The following ESF1 variants were observed in gnomAD, a reference collection of about 807,000 sequenced individuals.
The protein encoded by ESF1 is ESF1 nucleolar pre-rRNA processing protein.
In ESF1, 58 loss-of-function variants were observed where a neutral mutation model predicts 92.0. The ratio of observed to expected loss-of-function variants is 0.63; its 90% CI spans 0.51 to 0.78. The LOEUF (loss-of-function observed/expected upper bound fraction) is 0.78, where lower values mean the gene tolerates loss of function less well. ESF1 is among the 30% of genes least tolerant of loss of function. ESF1 has a pLI of 0.00. For synonymous variants in ESF1, 321 were observed against 313.7 expected, an observed-to-expected ratio of 1.02 and a Z score of -0.24; for missense variants, 922 against 989.1, an observed-to-expected ratio of 0.93 and a Z score of 0.91.
intron 4 of ESF1, among the ~76,000 whole-genome samples, 144 bp downstream of exon 4, chr20:13,774,998 AACATTTATACCTGTT>A (rs1174315780): frequency 6.6e-6 from 1 of 151,976 alleles, no homozygotes; most frequent in East Asian, 1.9e-4. Context: ...CTTCCTTTCT[AACATTTATACCTGTT>A]ACATAAGTTT....
chr20:13,728,273 A>G, intron 11 of ESF1, 105 bp downstream of exon 11: 1 of 834,612 alleles, frequency 1.2e-6, no homozygotes, highest in Non-Finnish European at 1.9e-6. Context: ...AGGGAGCTAC[A>G]CAAATACTAG....
At chr20:13,725,291 C>T (rs1434902362) in intron 11 of ESF1, among the ~76,000 whole-genome samples, 1 of 152,154 alleles carries the variant, frequency 6.6e-6, no homozygotes, top group African/African-American at 2.4e-5. Flanking sequence ...CTTTTATTTC[C>T]CCCATTTTCT....
intron 11 of ESF1, 46 bp from the exon 12 acceptor site, chr20:13,719,030 T>A: frequency 7.3e-7 from 1 of 1,362,528 alleles, no homozygotes; most frequent in Non-Finnish European, 1.0e-6. Flanking sequence ...TACAGGACTA[T>A]CAGCAACATT....
At chr20:13,748,651 G>A (rs1174558536) in intron 9 of ESF1, among the ~76,000 whole-genome samples, 2 of 147,000 alleles carry the variant, frequency 1.4e-5, no homozygotes, top group East Asian at 3.9e-4. Flanking sequence ...GCAGTGGCGC[G>A]ATCTTGGCTC....
intron 12 of ESF1, 36 bp from the exon 13 acceptor site, chr20:13,717,550 G>A (rs2049838366): frequency 6.8e-6 from 11 of 1,606,956 alleles, no homozygotes; most frequent in African/African-American, 1.3e-5. Context: ...ATGTACAACA[G>A]TGCTTTTTTT....
rs547765509 is a variant in ESF1 at position 13,732,059 on chromosome 20, T to A, written c.1950+1662A>T. Among the ~76,000 whole-genome samples, 5 of 152,326 alleles carry A rather than the reference T, an allele frequency of 3.3e-5. No individual in the cohort carries two copies. In the South Asian group the frequency reaches 6.2e-4, roughly 19 times the overall value. On this transcript the variant is annotated intron_variant, in intron 10 of 13. Coordinates refer to ENST00000617257, the MANE Select transcript of ESF1 (RefSeq NM_001276380.2). ...GTCTGTGGCCACTCCAGCAAATTAA[T>A]TGAACCTAAAGAGGGGGTCGTGGGA...
chr20:13,771,554 A>T, intron 5 of ESF1, 71 bp from the exon 6 acceptor site: 1 of 1,262,772 alleles, frequency 7.9e-7, no homozygotes, highest in Non-Finnish European at 1.1e-6. Context: ...AAATAAATGT[A>T]ATTCTTTCAA....
At chr20:13,726,621 ATCTG>A (rs970983310) in intron 11 of ESF1, among the ~76,000 whole-genome samples, 3 of 152,164 alleles carry the variant, frequency 2.0e-5, no homozygotes, top group Non-Finnish European at 4.4e-5. Flanking sequence ...CATACTATTT[ATCTG>A]TCTAACATGT....
chr20:13,764,906 A>T (rs1206702400), intron 8 of ESF1, among the ~76,000 whole-genome samples: 1 of 149,060 alleles, frequency 6.7e-6, no homozygotes, highest in Non-Finnish European at 1.5e-5. Context: ...GCCGTTAATC[A>T]TTTCAAACAT....
At chr20:13,771,286 A>C (rs375216084) in intron 6 of ESF1, 45 bp downstream of exon 6, 1 of 1,512,796 alleles carries the variant, frequency 6.6e-7, no homozygotes, top group African/African-American at 1.4e-5. Context: ...TCTTATAATC[A>C]TGTTGTACTA....
chr20:13,770,748 CTTAAGG>C (rs1294501843), intron 6 of ESF1, among the ~76,000 whole-genome samples: 1 of 152,196 alleles, frequency 6.6e-6, no homozygotes, highest in African/African-American at 2.4e-5. Flanking sequence ...CAAGGGAAAG[CTTAAGG>C]TTGAGTCTTA....
At chr20:13,717,911 A>G (rs1244033577) in intron 12 of ESF1, among the ~76,000 whole-genome samples, 2 of 149,990 alleles carry the variant, frequency 1.3e-5, no homozygotes, top group South Asian at 2.1e-4. Context: ...GATGCAAATT[A>G]TACTTTCTAA....
intron 10 of ESF1, 146 bp downstream of exon 10, chr20:13,733,575 C>T: frequency 1.1e-6 from 1 of 873,564 alleles, no homozygotes; most frequent in Non-Finnish European, 1.7e-6. Context: ...TCTGCATTCT[C>T]ACTTTCCTCT....
intron 3 of ESF1, among the ~76,000 whole-genome samples, 185 bp from the exon 4 acceptor site, chr20:13,775,455 A>G (rs1161883454): frequency 6.6e-6 from 1 of 152,208 alleles, no homozygotes; most frequent in African/African-American, 2.4e-5. Context: ...GTAAAACCAT[A>G]ACAGGTAAGT....
chr20:13,761,322 T>C (rs1391800404), intron 8 of ESF1, among the ~76,000 whole-genome samples: 1 of 150,982 alleles, frequency 6.6e-6, no homozygotes, highest in Admixed American at 6.6e-5. Context: ...CCCTCCACTA[T>C]TGTCCTATGA....
At position 13,782,974 on chromosome 20, in the gene ESF1, CTT is replaced by C. The variant is rs1810641677; in HGVS notation, c.165_166del (p.Gly57AlafsTer4). Reference sequence around the variant, plus strand: ...AGTGCTATGGCTAATGGGGCGCCCTCTTTTATCCACGGCATAGTTCAACTTGA... The same window carrying C: ...AGTGCTATGGCTAATGGGGCGCCCTCTTATCCACGGCATAGTTCAACTTGA... On this transcript the variant is annotated frameshift_variant, in exon 2 of 14. Transcript: ENST00000617257. LOFTEE classifies it high-confidence loss of function. 1 of 1,614,034 alleles carries C rather than the reference CTT, an allele frequency of 6.2e-7. No individual in the cohort carries two copies. Among genetic ancestry groups the C allele is most frequent in the Admixed American group, 1.7e-5 (1 of 59,994 alleles).
At chr20:13,778,413 A>AT (rs1459579490) in intron 2 of ESF1, among the ~76,000 whole-genome samples, 3 of 152,042 alleles carry the variant, frequency 2.0e-5, no homozygotes, top group Non-Finnish European at 2.9e-5. Flanking sequence ...TAGTATTGCA[A>AT]TATTTCTCAA....
intron 9 of ESF1, among the ~76,000 whole-genome samples, chr20:13,751,568 G>A (rs6042347): frequency 0.65 from 98,240 of 152,142 alleles, 32,144 homozygotes; most frequent in East Asian, 0.89. Context: ...TCCTGTGCAG[G>A]GATGTGGGGG....
chr20:13,770,111 T>A (rs1600291681), intron 6 of ESF1, 90 bp from the exon 7 acceptor site: 1 of 703,738 alleles, frequency 1.4e-6, no homozygotes, highest in East Asian at 2.7e-5. Context: ...AGTTTATACA[T>A]ACACAAACTT....
Sources: allele counts gnomAD v4.1 joint callset (sites outside exome capture counted in the v4.1 genomes callset), GRCh38; gene constraint gnomAD v4.1.1; transcripts MANE v1.5; gene names NCBI Gene and HGNC (gene_info 2026-07-23, HGNC 2026-07-21).